Variants in ANKS1B observed in about 807,000 individuals in gnomAD.
The protein encoded by ANKS1B is ankyrin repeat and sterile alpha motif domain containing 1B.
A neutral mutation model predicts 148.3 loss-of-function variants in ANKS1B; 36 were observed. The observed-to-expected ratio is 0.24, with a 90% CI of 0.19 to 0.32. The LOEUF (loss-of-function observed/expected upper bound fraction) is 0.32. Ranked by LOEUF, ANKS1B falls within the 10% of genes least tolerant of loss-of-function variation. The pLI is 1.00. For missense variants in ANKS1B, 1,157 were observed against 1,542.6 expected, an observed-to-expected ratio of 0.75 and a Z score of 4.19; for synonymous variants, 542 against 560.8, an observed-to-expected ratio of 0.97 and a Z score of 0.47.
intron 17 of ANKS1B, among the ~76,000 whole-genome samples, chr12:98,926,842 A>C (rs1452462684): frequency 6.6e-6 from 1 of 152,140 alleles, no homozygotes; most frequent in Non-Finnish European, 1.5e-5. Flanking sequence ...AGAGGAAAAA[A>C]GAATGAAGAA....
chr12:99,361,876 G>A (rs958299584), intron 12 of ANKS1B, among the ~76,000 whole-genome samples: 4 of 151,852 alleles, frequency 2.6e-5, no homozygotes, highest in African/African-American at 4.8e-5. Context: ...TTTTCTGTTC[G>A]CATTTCCTTA....
At chr12:99,089,940 T>C (rs1223434713) in intron 15 of ANKS1B, among the ~76,000 whole-genome samples, 1 of 152,232 alleles carries the variant, frequency 6.6e-6, no homozygotes, top group Admixed American at 6.5e-5. Context: ...CCAAATGCAG[T>C]ATTTTTAGAA....
intron 12 of ANKS1B, among the ~76,000 whole-genome samples, chr12:99,249,773 C>G (rs917222118): frequency 1.3e-5 from 2 of 152,158 alleles, no homozygotes; most frequent in African/African-American, 4.8e-5. Flanking sequence ...ACCGCTCAAT[C>G]AGACTGCAGC....
chr12:98,881,671 T>C (rs1298989028), intron 17 of ANKS1B, among the ~76,000 whole-genome samples: 1 of 152,166 alleles, frequency 6.6e-6, no homozygotes, highest in Non-Finnish European at 1.5e-5. Context: ...TCTTATGTTA[T>C]AAAGGAAATT....
In ANKS1B at chr12:99,952,308, A is replaced by AT. The variant is rs370046579; in HGVS notation, c.134+31795dup. 3.3e-3 allele frequency among the ~76,000 whole-genome samples: 501 copies of AT among 151,510 alleles called. 8 individuals are homozygous for AT. Among genetic ancestry groups the AT allele is most frequent in the African/African-American group, 0.011 (467 of 41,298 alleles). On this transcript the variant is annotated intron_variant, in intron 1 of 26. Transcript: ENST00000683438. ...TTCCTATGTTCCATCTCTTAGGTTT[A>AT]TTTTTTTTCTTTGTTGCTGCTGCTG... is the stretch of plus-strand genomic sequence containing the variant.
At chr12:99,150,692 G>T (rs2074604542) in intron 15 of ANKS1B, among the ~76,000 whole-genome samples, 1 of 152,138 alleles carries the variant, frequency 6.6e-6, no homozygotes, top group African/African-American at 2.4e-5. Flanking sequence ...TGCACATTTT[G>T]TATAGTAATC....
intron 14 of ANKS1B, among the ~76,000 whole-genome samples, chr12:99,218,485 G>A (rs1004137724): frequency 2.0e-5 from 3 of 152,178 alleles, no homozygotes; most frequent in East Asian, 1.9e-4. Flanking sequence ...AAACAAGGAG[G>A]CAAGCTAAGT....
rs947291753 is a variant in ANKS1B at position 98,744,450 on chromosome 12, G to C, written c.*1289C>G. The C allele has an allele frequency of 1.3e-6, 1 of 747,688 alleles. No homozygotes were observed. Among genetic ancestry groups the C allele is most frequent in the Admixed American group, 6.3e-5 (1 of 15,944 alleles). 46.3% of individuals were successfully genotyped at this position (747,688 alleles called of 1,614,324 possible). A position where few individuals can be genotyped will look rare whatever the true frequency, so the allele number is the denominator to read the frequency against. On this transcript the variant is annotated 3_prime_UTR_variant, in exon 27 of 27. Coordinates refer to ENST00000683438, the MANE Select transcript of ANKS1B (RefSeq NM_001352186.2). ...CTTCAAAATGATTCACAATATGATT[G>C]TTAGAACAATATACATTAAAATGTT...
At chr12:99,011,717 T>C (rs1462007872) in intron 17 of ANKS1B, among the ~76,000 whole-genome samples, 3 of 152,130 alleles carry the variant, frequency 2.0e-5, no homozygotes, top group Admixed American at 6.5e-5. Context: ...AAAGGACTTA[T>C]AAGAAAAATA....
chr12:98,785,918 G>C (rs558215747), intron 22 of ANKS1B, among the ~76,000 whole-genome samples: 1 of 152,270 alleles, frequency 6.6e-6, no homozygotes, highest in Non-Finnish European at 1.5e-5. Context: ...CGAACCTTCT[G>C]TTATCGTTTT....
intron 9 of ANKS1B, among the ~76,000 whole-genome samples, chr12:99,578,178 T>C (rs2097536394): frequency 6.6e-6 from 1 of 152,054 alleles, no homozygotes; most frequent in Admixed American, 6.6e-5. Flanking sequence ...CCCTTCATGA[T>C]AAAAACCCTC....
At chr12:99,206,862 T>A (rs1429197186) in intron 14 of ANKS1B, among the ~76,000 whole-genome samples, 1 of 152,178 alleles carries the variant, frequency 6.6e-6, no homozygotes, top group Non-Finnish European at 1.5e-5. Context: ...TTGTAAAAAA[T>A]TTACATCTAT....
At chr12:99,951,440 T>TAG (rs1448896180) in intron 1 of ANKS1B, among the ~76,000 whole-genome samples, 1 of 152,186 alleles carries the variant, frequency 6.6e-6, no homozygotes, top group Non-Finnish European at 1.5e-5. Flanking sequence ...CATAAAACAA[T>TAG]AGCCATTCAT....
At chr12:99,126,496 TC>T (rs1341289699) in intron 15 of ANKS1B, among the ~76,000 whole-genome samples, 1 of 151,966 alleles carries the variant, frequency 6.6e-6, no homozygotes, top group African/African-American at 2.4e-5. Flanking sequence ...TAATAGAGTC[TC>T]CCCCTCCCCC....
intron 12 of ANKS1B, among the ~76,000 whole-genome samples, chr12:99,312,287 T>A (rs987224768): frequency 6.6e-6 from 1 of 152,198 alleles, no homozygotes; most frequent in Non-Finnish European, 1.5e-5. Context: ...TACGGACTTA[T>A]AAGCAGTGAA....
chr12:98,914,425 T>C (rs1482268657), intron 17 of ANKS1B, among the ~76,000 whole-genome samples: 1 of 152,170 alleles, frequency 6.6e-6, no homozygotes, highest in Non-Finnish European at 1.5e-5. Context: ...CACACTTTCA[T>C]ATGCCATATA....
chr12:98,859,818 T>G (rs942354204), intron 17 of ANKS1B, among the ~76,000 whole-genome samples: 9 of 152,178 alleles, frequency 5.9e-5, no homozygotes, highest in Non-Finnish European at 8.8e-5. Context: ...ATTTTTGGCC[T>G]TTTGGGAGGG....
chr12:98,754,948 T>C (rs2098195162), intron 25 of ANKS1B, among the ~76,000 whole-genome samples: 1 of 152,226 alleles, frequency 6.6e-6, no homozygotes, highest in African/African-American at 2.4e-5. Context: ...GAATGCTTTG[T>C]CAAGTTTCTT....
At chr12:99,137,928 C>G (rs1411836551) in intron 15 of ANKS1B, among the ~76,000 whole-genome samples, 1 of 151,978 alleles carries the variant, frequency 6.6e-6, no homozygotes. Context: ...GTGCTGTGAG[C>G]TTTGTGAGAG....
Sources: gnomAD v4.1 joint callset for allele counts (sites outside exome capture counted in the v4.1 genomes callset) on GRCh38, gnomAD v4.1.1 for gene constraint, MANE v1.5 for transcripts, NCBI Gene and HGNC (gene_info 2026-07-23, HGNC 2026-07-21) for gene names.